NUP210L: variants seen among roughly 807,000 people sequenced by gnomAD.
NUP210L encodes the protein nucleoporin 210 like.
NUP210L carries 74 observed loss-of-function variants against 208.5 expected under a neutral mutation model. That is an observed-to-expected ratio of 0.35 (90% CI 0.29 to 0.43). The LOEUF (loss-of-function observed/expected upper bound fraction) is 0.43. Ranked by LOEUF, NUP210L falls within the 20% of genes least tolerant of loss-of-function variation. The pLI is 1.00. For synonymous variants in NUP210L, 780 were observed against 816.9 expected, an observed-to-expected ratio of 0.95 and a Z score of 0.77; for missense variants, 1,843 against 2,289.4, an observed-to-expected ratio of 0.81 and a Z score of 3.98.
chr1:154,116,356 G>A (rs904321811), intron 12 of NUP210L, among the ~76,000 whole-genome samples: 4 of 151,406 alleles, frequency 2.6e-5, no homozygotes, highest in East Asian at 1.9e-4. Flanking sequence ...CCTGAAAGGC[G>A]GAGGTTGCAG....
intron 17 of NUP210L, among the ~76,000 whole-genome samples, chr1:154,065,181 A>G (rs1654342345): frequency 6.6e-6 from 1 of 152,072 alleles, no homozygotes; most frequent in Non-Finnish European, 1.5e-5. Flanking sequence ...GCACTTTGAG[A>G]GGCTGAGGTG....
chr1:154,063,889 C>T (rs999177443), intron 17 of NUP210L, among the ~76,000 whole-genome samples: 2 of 151,110 alleles, frequency 1.3e-5, no homozygotes, highest in African/African-American at 4.9e-5. Context: ...TTTTAGATTT[C>T]CGGGATGAGC....
At chr1:154,127,352 C>G (rs1658035893) in exon 9 of NUP210L, 1 of 1,607,008 alleles carries the variant, frequency 6.2e-7, no homozygotes, top group Admixed American at 1.7e-5. Context: ...TCAAAGACGT[C>G]TACTGTAATG....
At chr1:154,132,087 A>G (rs1658290417) in intron 7 of NUP210L, among the ~76,000 whole-genome samples, 1 of 152,212 alleles carries the variant, frequency 6.6e-6, no homozygotes, top group Non-Finnish European at 1.5e-5. Context: ...GATTATAGGC[A>G]TGAGCCACTG....
At chr1:154,141,272 T>G (rs1658841720) in intron 4 of NUP210L, among the ~76,000 whole-genome samples, 159 bp downstream of exon 4, 3 of 152,220 alleles carry the variant, frequency 2.0e-5, no homozygotes, top group Admixed American at 1.3e-4. Context: ...ATGTCATATT[T>G]CATTCTATCA....
chr1:154,104,805 G>T (rs1656664108), intron 12 of NUP210L, among the ~76,000 whole-genome samples: 1 of 152,080 alleles, frequency 6.6e-6, no homozygotes, highest in South Asian at 2.1e-4. Flanking sequence ...CACAAAGACT[G>T]CAATTCTTGG....
At chr1:154,095,085 A>C (rs774796670) in exon 15 of NUP210L, 3 of 1,614,028 alleles carry the variant, frequency 1.9e-6, no homozygotes, top group Non-Finnish European at 2.5e-6. Context: ...TCCATGGACG[A>C]GGACCCCCTT....
At chr1:154,095,249 G>T in intron 14 of NUP210L, 93 bp from the exon 15 acceptor site, 1 of 931,516 alleles carries the variant, frequency 1.1e-6, no homozygotes, top group Non-Finnish European at 1.7e-6. Context: ...TGCTGCAAAT[G>T]ACGTTAAACT....
chr1:154,095,082 A>G, exon 15 of NUP210L: 1 of 1,614,086 alleles, frequency 6.2e-7, no homozygotes, highest in Non-Finnish European at 8.5e-7. Flanking sequence ...AGATCCATGG[A>G]CGAGGACCCC....
chr1:154,003,373 A>G (rs1650328679), intron 35 of NUP210L, among the ~76,000 whole-genome samples: 1 of 150,678 alleles, frequency 6.6e-6, no homozygotes, highest in African/African-American at 2.4e-5. Flanking sequence ...ACATCCGGCT[A>G]ATTTTTGTAT....
intron 35 of NUP210L, among the ~76,000 whole-genome samples, chr1:154,008,347 G>C (rs1260860900): frequency 1.3e-5 from 2 of 151,922 alleles, no homozygotes; most frequent in Non-Finnish European, 2.9e-5. Flanking sequence ...CTAAGAGTTT[G>C]AGACCAGCCT....
rs934817423 is a variant in NUP210L at position 154,136,312 on chromosome 1, C to T, written c.851-340G>A. Among the ~76,000 whole-genome samples, 5 of 151,718 alleles carry T rather than the reference C, an allele frequency of 3.3e-5. No homozygotes were observed. The South Asian group carries it at 8.3e-4, about 25-fold the overall frequency. On this transcript the variant is annotated intron_variant, in intron 6 of 39. Transcript: ENST00000368559. ...ACTAAAAATACCAAAATTAGCCGGGCGTGATGGCGTGTGCCTGTAATCCCA... is the reference window on the plus strand; with the variant it reads ...ACTAAAAATACCAAAATTAGCCGGGTGTGATGGCGTGTGCCTGTAATCCCA...
At chr1:154,008,731 A>G (rs1303429994) in intron 35 of NUP210L, among the ~76,000 whole-genome samples, 1 of 151,878 alleles carries the variant, frequency 6.6e-6, no homozygotes, top group African/African-American at 2.4e-5. Context: ...CAAAAAAACA[A>G]ACAAACCAAA....
intron 27 of NUP210L, among the ~76,000 whole-genome samples, chr1:154,034,340 C>CT (rs1170895965): frequency 2.6e-5 from 4 of 151,290 alleles, no homozygotes; most frequent in East Asian, 2.0e-4. Flanking sequence ...AGACTTTTTT[C>CT]TTTTTTTGAG....
At chr1:154,020,196 C>T (rs1034111528) in intron 32 of NUP210L, among the ~76,000 whole-genome samples, 1 of 152,208 alleles carries the variant, frequency 6.6e-6, no homozygotes, top group African/African-American at 2.4e-5. Context: ...TTTACCTAAA[C>T]ATATGTATCC....
chr1:154,105,988 C>T (rs1238969740), intron 12 of NUP210L, among the ~76,000 whole-genome samples: 2 of 152,094 alleles, frequency 1.3e-5, no homozygotes, highest in East Asian at 3.9e-4. Context: ...GGGCTGGGTG[C>T]GGTGGCTTAC....
chr1:154,135,622 C>T (rs991327159), intron 7 of NUP210L, among the ~76,000 whole-genome samples, 192 bp downstream of exon 7: 13 of 151,950 alleles, frequency 8.6e-5, no homozygotes, highest in Non-Finnish European at 1.5e-4. Flanking sequence ...AGGGTTTCAC[C>T]GTGTTAGCCA....
chr1:154,065,136 A>AAAATC (rs1303158102), intron 17 of NUP210L, among the ~76,000 whole-genome samples: 1 of 133,074 alleles, frequency 7.5e-6, no homozygotes, highest in Admixed American at 7.9e-5. Flanking sequence ...AAAATAAAAT[A>AAAATC]AAATCAGGTA....
chr1:154,054,811 G>T, exon 24 of NUP210L: 1 of 1,613,222 alleles, frequency 6.2e-7, no homozygotes. Flanking sequence ...TTCTCTGGAA[G>T]AAGTCTGAAT....
Sources: allele counts gnomAD v4.1 joint callset (sites outside exome capture counted in the v4.1 genomes callset), GRCh38; gene constraint gnomAD v4.1.1; transcripts MANE v1.5; gene names NCBI Gene and HGNC (gene_info 2026-07-23, HGNC 2026-07-21).